PDE10A: variants seen among roughly 807,000 people sequenced by gnomAD.
PDE10A encodes phosphodiesterase 10A.
In PDE10A, 39 loss-of-function variants were observed where a neutral mutation model predicts 97.7. The ratio of observed to expected loss-of-function variants is 0.40; its 90% confidence interval spans 0.31 to 0.52. The LOEUF (loss-of-function observed/expected upper bound fraction) is 0.52, where lower values mean the gene tolerates loss of function less well. Among genes scored for constraint, PDE10A ranks in the 20% least tolerant of loss-of-function variants. The pLI is 0.56. For missense variants in PDE10A, 731 were observed against 1,047.8 expected (o/e 0.70, Z 4.17); for synonymous variants, 371 against 376.8 (o/e 0.98, Z 0.18).
chr6:165,381,631 ATTTTTTTTTT>A (rs547827126), intron 17 of PDE10A, among the ~76,000 whole-genome samples: 1 of 118,686 alleles, frequency 8.4e-6, no homozygotes, highest in Admixed American at 9.3e-5. Flanking sequence ...CACCTGGCTA[ATTTTTTTTTT>A]TTTTTTTTTT....
At chr6:165,616,890 G>GT (rs1222103801) in intron 1 of PDE10A, among the ~76,000 whole-genome samples, 1 of 152,122 alleles carries the variant, frequency 6.6e-6, no homozygotes, top group Admixed American at 6.6e-5. Context: ...ATTTCTTGGT[G>GT]TATTTTACTA....
chr6:165,624,414 G>C (rs12212598), intron 1 of PDE10A, among the ~76,000 whole-genome samples: 1 of 152,170 alleles, frequency 6.6e-6, no homozygotes, highest in Non-Finnish European at 1.5e-5. Flanking sequence ...ACTGTTAGAC[G>C]TTTAAGACTT....
chr6:165,758,654 G>A (rs1161291737), intron 1 of PDE10A, among the ~76,000 whole-genome samples: 1 of 150,180 alleles, frequency 6.7e-6, no homozygotes, highest in African/African-American at 2.4e-5. Context: ...AGGAAGAGGA[G>A]GAGGAGGAAG....
At chr6:165,555,272 C>T (rs773736900) in intron 1 of PDE10A, among the ~76,000 whole-genome samples, 3 of 152,110 alleles carry the variant, frequency 2.0e-5, no homozygotes, top group Admixed American at 1.3e-4. Flanking sequence ...AAATCTCTCA[C>T]GTACGCCATA....
intron 1 of PDE10A, among the ~76,000 whole-genome samples, chr6:165,562,414 T>A (rs1476863071): frequency 6.6e-6 from 1 of 152,170 alleles, no homozygotes; most frequent in African/African-American, 2.4e-5. Flanking sequence ...CTCAAGATAA[T>A]TTTCAGATAA....
At chr6:165,433,841 C>T (rs1364005722) in intron 6 of PDE10A, among the ~76,000 whole-genome samples, 2 of 151,654 alleles carry the variant, frequency 1.3e-5, no homozygotes, top group Non-Finnish European at 2.9e-5. Flanking sequence ...CAGTGAAACA[C>T]CATCTCTACT....
intron 1 of PDE10A, among the ~76,000 whole-genome samples, chr6:165,728,759 G>C (rs770721754): frequency 1.3e-5 from 2 of 152,118 alleles, no homozygotes; most frequent in Admixed American, 6.6e-5. Context: ...CATACCCAAA[G>C]ACACAGGCAC....
intron 2 of PDE10A, among the ~76,000 whole-genome samples, chr6:165,536,134 A>G (rs1305090714): frequency 6.6e-6 from 1 of 152,062 alleles, no homozygotes; most frequent in Non-Finnish European, 1.5e-5. Flanking sequence ...GACCAAGAGA[A>G]CAGAACACAG....
chr6:165,602,334 T>C (rs959761448), intron 1 of PDE10A, among the ~76,000 whole-genome samples: 1 of 152,142 alleles, frequency 6.6e-6, no homozygotes, highest in African/African-American at 2.4e-5. Context: ...AGGAGGCAGC[T>C]ACCAGCCCGT....
At chr6:165,651,447 T>G (rs1391374161) in intron 1 of PDE10A, among the ~76,000 whole-genome samples, 5 of 152,214 alleles carry the variant, frequency 3.3e-5, no homozygotes, top group Non-Finnish European at 7.3e-5. Context: ...AAGTGTTTTC[T>G]CTAGGGCCAC....
chr6:165,834,480 C>T (rs561957909), intron 1 of PDE10A, among the ~76,000 whole-genome samples: 3 of 152,264 alleles, frequency 2.0e-5, no homozygotes, highest in East Asian at 1.9e-4. Context: ...GGGAGTGAGA[C>T]GATCAGAGCC....
At chr6:165,569,862 G>T (rs1784966385) in intron 1 of PDE10A, among the ~76,000 whole-genome samples, 1 of 152,140 alleles carries the variant, frequency 6.6e-6, no homozygotes, top group African/African-American at 2.4e-5. Context: ...GAAAAAAATT[G>T]AAAGTGCCAA....
intron 1 of PDE10A, among the ~76,000 whole-genome samples, chr6:165,712,700 C>T (rs186753995): frequency 3.0e-5 from 4 of 135,528 alleles, no homozygotes; most frequent in African/African-American, 5.7e-5. Flanking sequence ...AGTGCAGCGG[C>T]GCGATCTCGG....
intron 11 of PDE10A, among the ~76,000 whole-genome samples, chr6:165,417,771 G>A (rs560211353): frequency 6.8e-4 from 103 of 152,270 alleles, no homozygotes; most frequent in African/African-American, 2.4e-3. Context: ...CCACGGTGAG[G>A]CACACCTTGA....
rs113167831 is a variant in PDE10A, at chr6:165,671,694, TCA to T, written c.-614-128128_-614-128127del. 5.2e-3 allele frequency among the ~76,000 whole-genome samples: 787 copies of T among 151,208 alleles called. 4 individuals are homozygous for T. Among genetic ancestry groups the T allele is most frequent in the African/African-American group, 0.017 (710 of 41,296 alleles). ...AAAACGGATGAAAAGCAGCTAGATATCACACACACACACACACATATATATAG... is the reference window on the plus strand; with the variant it reads ...AAAACGGATGAAAAGCAGCTAGATATCACACACACACACACATATATATAG... On this transcript the variant is annotated intron_variant, in intron 1 of 19. Transcript: ENST00000366882. This position sits in a 1 kb window ranked among gnomAD's most constrained non-coding sequence, Gnocchi z 4.6.
At chr6:165,575,754 C>CTT (rs1235663146) in intron 1 of PDE10A, among the ~76,000 whole-genome samples, 1 of 152,178 alleles carries the variant, frequency 6.6e-6, no homozygotes, top group South Asian at 2.1e-4. Flanking sequence ...TAATAATCAC[C>CTT]CAATGATTTC....
At chr6:165,455,728 G>C (rs1777915638) in intron 3 of PDE10A, among the ~76,000 whole-genome samples, 1 of 152,144 alleles carries the variant, frequency 6.6e-6, no homozygotes, top group Non-Finnish European at 1.5e-5. Context: ...ATTTCTAAGG[G>C]CTGATTCCCC....
chr6:165,759,088 C>A (rs949423152), intron 1 of PDE10A, among the ~76,000 whole-genome samples: 2 of 152,164 alleles, frequency 1.3e-5, no homozygotes, highest in Non-Finnish European at 2.9e-5. Flanking sequence ...CTGCTCCGTG[C>A]CCATAGCAGG....
chr6:165,432,953 T>C (rs1457913669), intron 7 of PDE10A, 21 bp downstream of exon 7: 1 of 1,603,842 alleles, frequency 6.2e-7, no homozygotes. Flanking sequence ...AATTCTAACA[T>C]GCAGCATTTA....
Sources: allele counts gnomAD v4.1 joint callset (sites outside exome capture counted in the v4.1 genomes callset), GRCh38; gene constraint gnomAD v4.1.1; non-coding constraint Gnocchi (gnomAD v3.1); transcripts MANE v1.5; gene names NCBI Gene and HGNC (gene_info 2026-07-23, HGNC 2026-07-21).